The following EPHA6 variants were observed in gnomAD, a reference collection of about 807,000 sequenced individuals.
EPHA6 encodes EPH receptor A6.
A neutral mutation model predicts 112.0 loss-of-function variants in EPHA6; 50 were observed. The ratio of observed to expected loss-of-function variants is 0.45; its 90% CI spans 0.36 to 0.56. The LOEUF (loss-of-function observed/expected upper bound fraction) is 0.56. EPHA6 is among the 20% of genes least tolerant of loss of function. The probability of loss-of-function intolerance (pLI) is 0.00; values close to 1 mark genes in which losing one functional copy is unlikely to be tolerated. For missense variants in EPHA6, 1,280 were observed against 1,417.4 expected, an observed-to-expected ratio of 0.90 and a Z score of 1.56; for synonymous variants, 529 against 490.7, an observed-to-expected ratio of 1.08 and a Z score of -1.03.
At chr3:96,821,181 G>A (rs1256015486) in intron 1 of EPHA6, among the ~76,000 whole-genome samples, 1 of 151,754 alleles carries the variant, frequency 6.6e-6, no homozygotes, top group Non-Finnish European at 1.5e-5. Context: ...AATTTTATAT[G>A]ACCAGTCAAT....
intron 5 of EPHA6, among the ~76,000 whole-genome samples, chr3:97,317,734 T>A (rs2081913961): frequency 6.6e-6 from 1 of 151,840 alleles, no homozygotes; most frequent in South Asian, 2.1e-4. Context: ...GGACCTATAG[T>A]GGGAGATGAG....
intron 2 of EPHA6, among the ~76,000 whole-genome samples, chr3:96,916,007 A>G (rs1291659479): frequency 6.6e-6 from 1 of 152,158 alleles, no homozygotes; most frequent in Non-Finnish European, 1.5e-5. Context: ...TTCTATTTCA[A>G]TATGGTTTTA....
chr3:97,104,653 G>A (rs2047510485), intron 3 of EPHA6, among the ~76,000 whole-genome samples: 1 of 152,000 alleles, frequency 6.6e-6, no homozygotes, highest in African/African-American at 2.4e-5. Flanking sequence ...GATGATGCTG[G>A]CCTCATTGAA....
In EPHA6 at chr3:97,715,588, T is replaced by C. The variant is rs576983727; in HGVS notation, c.2785-4673T>C. Among the ~76,000 whole-genome samples the C allele has an allele frequency of 1.4e-4, 22 of 152,306 alleles. No individual in the cohort carries two copies. In the South Asian group the frequency reaches 4.6e-3, roughly 32 times the overall value. The stretch of plus-strand genomic sequence containing the variant: ...GAGAAACAGAGAGAGACATTTTAAG[T>C]GTTCTTGCTTCTCTACAGAATTTTT... On this transcript the variant is annotated intron_variant, in intron 14 of 17. Coordinates refer to ENST00000389672, the MANE Select transcript of EPHA6 (RefSeq NM_001080448.3).
intron 2 of EPHA6, among the ~76,000 whole-genome samples, chr3:96,951,474 A>T (rs2041530239): frequency 6.6e-6 from 1 of 152,138 alleles, no homozygotes; most frequent in South Asian, 2.1e-4. Context: ...TTTGACATCA[A>T]GATGCTGATG....
At position 97,447,442 on chromosome 3, in the gene EPHA6, A is replaced by G. The variant is rs139960439; in HGVS notation, c.1732-1126A>G. Among the ~76,000 whole-genome samples the G allele has an allele frequency of 1.6e-4, 24 of 152,268 alleles. No homozygotes were observed. In the East Asian group the frequency reaches 4.6e-3, roughly 29 times the overall value. On this transcript the variant is annotated intron_variant, in intron 6 of 17. Coordinates refer to ENST00000389672, the MANE Select transcript of EPHA6 (RefSeq NM_001080448.3). ...TCATTTTGCATCTCTGAAAATCTCT[A>G]GGGTTTTTATGAGGATGGTGGAAAT... is the stretch of plus-strand genomic sequence containing the variant.
intron 14 of EPHA6, among the ~76,000 whole-genome samples, chr3:97,711,497 A>C (rs1338024033): frequency 6.6e-6 from 1 of 152,038 alleles, no homozygotes; most frequent in Non-Finnish European, 1.5e-5. Context: ...CAAGCTGGAG[A>C]ACCAGGAAAG....
intron 11 of EPHA6, among the ~76,000 whole-genome samples, chr3:97,548,263 G>A (rs1407264677): frequency 6.6e-6 from 1 of 152,174 alleles, no homozygotes; most frequent in Admixed American, 6.5e-5. Flanking sequence ...ATTTTTGGCA[G>A]TGGCATCACA....
intron 3 of EPHA6, among the ~76,000 whole-genome samples, chr3:97,149,722 T>G (rs967364595): frequency 6.6e-6 from 1 of 151,728 alleles, no homozygotes; most frequent in African/African-American, 2.4e-5. Context: ...GTAAAATCAC[T>G]TAAAAATAAG....
intron 1 of EPHA6, among the ~76,000 whole-genome samples, chr3:96,847,469 G>A (rs1419921098): frequency 4.0e-5 from 6 of 151,866 alleles, no homozygotes; most frequent in African/African-American, 7.2e-5. Flanking sequence ...ATATTTTAAT[G>A]TTTCTTCATT....
intron 3 of EPHA6, among the ~76,000 whole-genome samples, chr3:97,009,683 GA>G (rs1471677667): frequency 1.3e-5 from 2 of 152,258 alleles, no homozygotes; most frequent in Non-Finnish European, 2.9e-5. Context: ...GAGGCTGTAA[GA>G]ATCTGCACAT....
intron 3 of EPHA6, among the ~76,000 whole-genome samples, chr3:97,172,759 G>A (rs1257470770): frequency 6.6e-6 from 1 of 151,850 alleles, no homozygotes; most frequent in East Asian, 1.9e-4. Context: ...ACTTACTGTT[G>A]TATTCTATCA....
At chr3:97,571,738 A>G (rs1214454731) in intron 11 of EPHA6, among the ~76,000 whole-genome samples, 1 of 152,216 alleles carries the variant, frequency 6.6e-6, no homozygotes, top group Non-Finnish European at 1.5e-5. Context: ...ATTAGACTCA[A>G]CATGAATTTG....
At chr3:97,633,823 G>A (rs1451154562) in intron 13 of EPHA6, among the ~76,000 whole-genome samples, 1 of 152,058 alleles carries the variant, frequency 6.6e-6, no homozygotes, top group East Asian at 1.9e-4. Flanking sequence ...TATAGATTTT[G>A]TTTGAATAAG....
At chr3:97,220,966 T>C (rs1436581088) in intron 3 of EPHA6, among the ~76,000 whole-genome samples, 1 of 152,154 alleles carries the variant, frequency 6.6e-6, no homozygotes, top group Non-Finnish European at 1.5e-5. Context: ...AAAGATGTAG[T>C]GATTTAAATA....
chr3:96,958,875 A>G (rs1279418787), intron 2 of EPHA6, among the ~76,000 whole-genome samples: 2 of 152,168 alleles, frequency 1.3e-5, no homozygotes, highest in Non-Finnish European at 2.9e-5. Context: ...ATACTATTCA[A>G]TTGTATGAAT....
chr3:97,125,465 A>G (rs2048157972), intron 3 of EPHA6, among the ~76,000 whole-genome samples: 1 of 152,190 alleles, frequency 6.6e-6, no homozygotes, highest in Admixed American at 6.5e-5. Flanking sequence ...ATCTGTTATC[A>G]CTATACATAT....
At chr3:96,836,570 A>T (rs2034427521) in intron 1 of EPHA6, among the ~76,000 whole-genome samples, 2 of 152,192 alleles carry the variant, frequency 1.3e-5, no homozygotes, top group African/African-American at 4.8e-5. Flanking sequence ...TTGCCAATCA[A>T]GTCATTTAAT....
intron 2 of EPHA6, among the ~76,000 whole-genome samples, chr3:96,939,223 A>G (rs1326443719): frequency 6.6e-6 from 1 of 152,132 alleles, no homozygotes; most frequent in Non-Finnish European, 1.5e-5. Flanking sequence ...TCGGCTGTGA[A>G]TCCATCTGGT....
Sources: gnomAD v4.1 joint callset for allele counts (sites outside exome capture counted in the v4.1 genomes callset) on GRCh38, gnomAD v4.1.1 for gene constraint, MANE v1.5 for transcripts, NCBI Gene and HGNC (gene_info 2026-07-23, HGNC 2026-07-21) for gene names.